The following ABCC3 variants were observed in gnomAD, a reference collection of about 807,000 sequenced individuals.
ABCC3 encodes the protein ATP-binding cassette sub-family C member 3.
A neutral mutation model predicts 165.3 loss-of-function variants in ABCC3; 121 were observed. That is an observed-to-expected ratio of 0.73 (90% confidence interval 0.63 to 0.85). The LOEUF is 0.85. Among genes scored for constraint, ABCC3 ranks in the 40% least tolerant of loss-of-function variants. The pLI, the probability that ABCC3 is intolerant of heterozygous loss-of-function variation, is 0.00. For synonymous variants in ABCC3, 733 were observed against 810.1 expected, an observed-to-expected ratio of 0.90 and a Z score of 1.62; for missense variants, 1,869 against 1,964.1, an observed-to-expected ratio of 0.95 and a Z score of 0.92.
At chr17:50,666,564 A>G (rs983242511) in intron 11 of ABCC3, among the ~76,000 whole-genome samples, 6 of 152,194 alleles carry the variant, frequency 3.9e-5, no homozygotes, top group African/African-American at 9.7e-5. Context: ...ACTTTCTTAC[A>G]GGATCCTGTG....
intron 1 of ABCC3, among the ~76,000 whole-genome samples, chr17:50,648,243 G>T (rs4794174): frequency 0.2 from 30,905 of 152,100 alleles, 4,178 homozygotes; most frequent in Non-Finnish European, 0.28. Context: ...AGGTTGAGGA[G>T]TGATCACTGA....
chr17:50,645,588 G>A (rs572327573), intron 1 of ABCC3, among the ~76,000 whole-genome samples: 2 of 152,038 alleles, frequency 1.3e-5, no homozygotes, highest in African/African-American at 2.4e-5. Context: ...TTCAATAAAC[G>A]TGTATGTGTG....
intron 13 of ABCC3, 136 bp downstream of exon 13, chr17:50,668,145 T>C: frequency 1.2e-6 from 1 of 829,428 alleles, no homozygotes; most frequent in South Asian, 1.7e-5. Context: ...TGAAGAGCTA[T>C]TCAAGGTTGA....
chr17:50,679,730 A>C, intron 25 of ABCC3, 68 bp from the exon 26 acceptor site: 1 of 1,445,144 alleles, frequency 6.9e-7, no homozygotes, highest in Non-Finnish European at 9.7e-7. Flanking sequence ...AGGAGTCTGA[A>C]CTCCTCCCAA....
Position 50,665,083 on chromosome 17 carries a change from CT to C in ABCC3, c.1339-69del. 5 of 1,376,470 alleles carry C rather than the reference CT, an allele frequency of 3.6e-6. No individual in the cohort carries two copies. The East Asian group carries it at 1.1e-4, about 32-fold the overall frequency. 85.3% of individuals were successfully genotyped at this position (1,376,470 alleles called of 1,614,324 possible). A position where few individuals can be genotyped will look rare whatever the true frequency, so the allele number is the denominator to read the frequency against. On this transcript the variant is annotated intron_variant, in intron 10 of 30. Coordinates refer to ENST00000285238, the MANE Select transcript of ABCC3 (RefSeq NM_003786.4). ...TTCAAGTTAACAGGCCTCTGTTTGCCTGTTGGGTTCTCTCTGTAGACTTTGG... is the reference window on the plus strand; with the variant it reads ...TTCAAGTTAACAGGCCTCTGTTTGCCGTTGGGTTCTCTCTGTAGACTTTGG...
chr17:50,660,540 C>T (rs1967354205), intron 7 of ABCC3, among the ~76,000 whole-genome samples: 1 of 152,192 alleles, frequency 6.6e-6, no homozygotes, highest in Non-Finnish European at 1.5e-5. Flanking sequence ...TGCACCCCCT[C>T]TCAGTCCCTC....
rs924713287 is a variant in ABCC3 at position 50,691,615 on chromosome 17, C to G, written c.*415C>G. 9.3e-5 allele frequency: 20 copies of G among 214,040 alleles called. 1 individual carries two copies. In the Admixed American group the frequency reaches 1.0e-3, roughly 11 times the overall value. 13.3% of individuals were successfully genotyped at this position (214,040 alleles called of 1,614,324 possible). On this transcript the variant is annotated 3_prime_UTR_variant, in exon 31 of 31. Coordinates refer to ENST00000285238, the MANE Select transcript of ABCC3 (RefSeq NM_003786.4). ...AGACAGCTGCTGGGTCAGGCCACCC[C>G]TAGGAACTCAGTCCTGTACTCTGGG...
chr17:50,681,640 C>T (rs189755582), intron 26 of ABCC3, among the ~76,000 whole-genome samples: 15 of 152,312 alleles, frequency 9.8e-5, no homozygotes, highest in African/African-American at 2.4e-4. Flanking sequence ...AAGCTGCATC[C>T]GCTTCCTCAT....
chr17:50,672,987 G>A lies in ABCC3; in HGVS notation c.2258G>A (p.Gly753Glu), dbSNP rs1241617679. ...EIGEKGINLS[G>E]GQRQRVSLAR... ...TCCCTCCAGGGCATTAACCTGTCTG[G>A]GGGCCAGCGGCAGCGGGTCAGTCTG... is the stretch of plus-strand genomic sequence containing the variant. The change falls in exon 18 of 31, where the codon GGG becomes GAG. Residue 753 changes from glycine to glutamate, a missense_variant. Transcript: ENST00000285238. The A allele has an allele frequency of 1.2e-6, 2 of 1,613,852 alleles. No individual in the cohort carries two copies. The highest frequency in any genetic ancestry group is 1.3e-5 in the African/African-American group (1 of 74,922).
intron 11 of ABCC3, among the ~76,000 whole-genome samples, chr17:50,665,998 G>A (rs1967519678): frequency 1.3e-5 from 2 of 152,044 alleles, no homozygotes; most frequent in Admixed American, 1.3e-4. Flanking sequence ...TACCTTGCAA[G>A]TCCTCACCCC....
At chr17:50,674,542 C>T (rs955767943) in intron 19 of ABCC3, 9 of 152,162 alleles carry the variant, frequency 5.9e-5, no homozygotes, top group African/African-American at 2.2e-4. Flanking sequence ...AGACACTAAG[C>T]TATAGCAGTG....
Position 50,655,813 on chromosome 17 carries a change from C to A in ABCC3, c.46-19C>A. The A allele has an allele frequency of 6.2e-7, 1 of 1,612,904 alleles. No homozygotes were observed. Among genetic ancestry groups the A allele is most frequent in the Non-Finnish European group, 8.5e-7 (1 of 1,179,278 alleles). ...TCTGTGGGGCTGCCACAGCACTAAA[C>A]TGTTCTCTGTGTCCCCAGGACTCCA... On this transcript the variant is annotated intron_variant, in intron 1 of 30. Transcript: ENST00000285238.
rs1415548547 is a variant in ABCC3 at position 50,675,967 on chromosome 17, A to C, written c.2944A>C (p.Ser982Arg). Residue 982 changes from serine (S) to arginine (R), a missense_variant, in exon 22 of 31, where the codon AGT becomes CGT. Physicochemically the swap from Ser to Arg is moderately radical, Grantham distance 110. Transcript: ENST00000285238. ...LAICLLYVGQ[S>R]AAAIGANVWL... ...CATCTGTCTCCTGTATGTGGGTCAAAGTGCGGCTGCCATTGGAGCCAATGT... is the reference window on the plus strand; with the variant it reads ...CATCTGTCTCCTGTATGTGGGTCAACGTGCGGCTGCCATTGGAGCCAATGT... 1 of 1,614,156 alleles carries C rather than the reference A, an allele frequency of 6.2e-7. No individual in the cohort carries two copies. The highest frequency in any genetic ancestry group is 8.5e-7 in the Non-Finnish European group (1 of 1,180,024).
intron 17 of ABCC3, among the ~76,000 whole-genome samples, chr17:50,671,259 T>TAA (rs528722797): frequency 7.5e-6 from 1 of 133,236 alleles, no homozygotes; most frequent in Non-Finnish European, 1.6e-5. Flanking sequence ...GACTCTGTCT[T>TAA]AAAAAAAAAA....
At chr17:50,675,334 C>T in intron 19 of ABCC3, 28 bp from the exon 20 acceptor site, 1 of 1,559,932 alleles carries the variant, frequency 6.4e-7, no homozygotes, top group Non-Finnish European at 8.8e-7. Context: ...TAGCTGAACC[C>T]TATCTCCTTC....
Position 50,659,320 on chromosome 17 carries a change from T to TGC in ABCC3, c.759_760dup (p.Gln254ArgfsTer48). On this transcript the variant is annotated frameshift_variant, in exon 7 of 31. Coordinates refer to ENST00000285238, the MANE Select transcript of ABCC3 (RefSeq NM_003786.4). LOFTEE classifies it high-confidence loss of function. ...GAAGAGGACAGATCCCAGATGGTGGTGCAGCAGCTGCTGGAGGCATGGAGG... is the reference window on the plus strand; with the variant it reads ...GAAGAGGACAGATCCCAGATGGTGGTGCGCAGCAGCTGCTGGAGGCATGGAGG... The TGC allele has an allele frequency of 6.2e-7, 1 of 1,613,278 alleles. No homozygotes were observed. The highest frequency in any genetic ancestry group is 1.1e-5 in the South Asian group (1 of 91,062).
At position 50,672,953 on chromosome 17, in the gene ABCC3, C is replaced by A. The variant is rs1423807871; in HGVS notation, c.2242-18C>A. 2 of 1,607,540 alleles carry A rather than the reference C, an allele frequency of 1.2e-6. No homozygotes were observed. Among genetic ancestry groups the A allele is most frequent in the Admixed American group, 1.7e-5 (1 of 59,710 alleles). ...TGCCTGTCTGACCCCATTTTTCCCA[C>A]CCCCCGCCTCCCTCCAGGGCATTAA... On this transcript the variant is annotated intron_variant, in intron 17 of 30. Transcript: ENST00000285238.
chr17:50,667,876 C>A lies in ABCC3; in HGVS notation c.1649C>A (p.Thr550Asn). 3 of 1,614,082 alleles carry A rather than the reference C, an allele frequency of 1.9e-6. No homozygotes were observed. Among genetic ancestry groups the A allele is most frequent in the Non-Finnish European group, 2.5e-6 (3 of 1,179,956 alleles). ...CACGCTGCTCAGGTGACCCTGATCA[C>A]CCTCTGGGTGTACGTGTACGTGGAC... ...MCSPFLVTLI[T>N]LWVYVYVDPN... Residue 550 changes from threonine (T) to asparagine (N), a missense_variant, in exon 13 of 31, where the codon ACC (threonine) becomes AAC (asparagine). Physicochemically the swap from Thr to Asn is moderately conservative, Grantham distance 65. Transcript: ENST00000285238.
chr17:50,674,932 C>G (rs1230407253), intron 19 of ABCC3, among the ~76,000 whole-genome samples: 1 of 151,562 alleles, frequency 6.6e-6, no homozygotes, highest in African/African-American at 2.4e-5. Flanking sequence ...CCCGAGTAGC[C>G]AGGATTATAG....
Sources: gnomAD v4.1 joint callset for allele counts (sites outside exome capture counted in the v4.1 genomes callset) on GRCh38, gnomAD v4.1.1 for gene constraint, MANE v1.5 for transcripts, NCBI Gene and HGNC (gene_info 2026-07-23, HGNC 2026-07-21) for gene names.